The following CNTN1 variants were observed in gnomAD, a reference collection of about 807,000 sequenced individuals.
CNTN1 encodes the protein contactin 1.
CNTN1 carries 38 observed loss-of-function variants against 126.4 expected under a neutral mutation model. That is an observed-to-expected ratio of 0.30 (90% CI 0.23 to 0.39). CNTN1 has a LOEUF of 0.39. Ranked by LOEUF, CNTN1 falls within the 10% of genes least tolerant of loss-of-function variation. CNTN1 has a pLI of 1.00. For synonymous variants in CNTN1, 413 were observed against 422.6 expected (o/e 0.98, Z 0.28); for missense variants, 1,009 against 1,248.4 (o/e 0.81, Z 2.89).
At chr12:40,817,017 C>T (rs193174717) in intron 1 of CNTN1, among the ~76,000 whole-genome samples, 56 of 152,118 alleles carry the variant, frequency 3.7e-4, no homozygotes, top group Admixed American at 3.1e-3. Flanking sequence ...CAAGACTGTT[C>T]GTTATGATTT....
intron 1 of CNTN1, among the ~76,000 whole-genome samples, chr12:40,700,796 C>A (rs758566520): frequency 2.6e-5 from 4 of 151,726 alleles, no homozygotes; most frequent in Non-Finnish European, 4.4e-5. Context: ...CTTGTGCAAA[C>A]ATCTTCTCTA....
intron 1 of CNTN1, among the ~76,000 whole-genome samples, chr12:40,824,244 C>T (rs1367240032): frequency 6.6e-6 from 1 of 152,046 alleles, no homozygotes; most frequent in Non-Finnish European, 1.5e-5. Context: ...TTGTCCATTG[C>T]ATCCAAAGTT....
chr12:41,025,043 T>C, intron 20 of CNTN1, 107 bp from the exon 21 acceptor site: 1 of 1,065,920 alleles, frequency 9.4e-7, no homozygotes, highest in African/African-American at 1.5e-5. Context: ...CATTTGAAAA[T>C]ATGATGATCA....
At chr12:40,817,193 G>C (rs1044535418) in intron 1 of CNTN1, among the ~76,000 whole-genome samples, 1 of 152,166 alleles carries the variant, frequency 6.6e-6, no homozygotes, top group African/African-American at 2.4e-5. Context: ...TTCAAGTCCT[G>C]AATATCCTTG....
chr12:41,067,547 C>T (rs1363953349), intron 23 of CNTN1, among the ~76,000 whole-genome samples: 2 of 142,558 alleles, frequency 1.4e-5, no homozygotes, highest in Non-Finnish European at 3.0e-5. Flanking sequence ...TATTCTCACT[C>T]ATAGGTGGGA....
chr12:40,793,458 T>C (rs1041092415), intron 1 of CNTN1, among the ~76,000 whole-genome samples: 8 of 55,944 alleles, frequency 1.4e-4, no homozygotes, highest in Non-Finnish European at 2.5e-4. Context: ...CAGCACCTAC[T>C]TGTGGGGAAA....
intron 1 of CNTN1, among the ~76,000 whole-genome samples, chr12:40,720,221 C>T (rs1445732052): frequency 6.6e-6 from 1 of 151,830 alleles, no homozygotes; most frequent in East Asian, 1.9e-4. Context: ...TTATTTTCAC[C>T]TATATTTATC....
intron 14 of CNTN1, among the ~76,000 whole-genome samples, chr12:40,954,705 T>A (rs1488383340): frequency 6.6e-5 from 10 of 152,120 alleles, no homozygotes; most frequent in Admixed American, 6.6e-4. Context: ...AGCTGTTATA[T>A]ACATGGGTAC....
chr12:41,057,338 A>G (rs1949848966), intron 23 of CNTN1, among the ~76,000 whole-genome samples: 1 of 151,254 alleles, frequency 6.6e-6, no homozygotes, highest in South Asian at 2.1e-4. Context: ...GGCTTAACTT[A>G]AAATAGACCA....
At chr12:40,919,878 T>A (rs1411760226) in intron 4 of CNTN1, among the ~76,000 whole-genome samples, 1 of 152,192 alleles carries the variant, frequency 6.6e-6, no homozygotes, top group African/African-American at 2.4e-5. Flanking sequence ...TGGGCTAGAC[T>A]TATTTCCACC....
chr12:40,841,120 A>G (rs1352385107), intron 1 of CNTN1, among the ~76,000 whole-genome samples: 4 of 152,038 alleles, frequency 2.6e-5, no homozygotes, highest in Admixed American at 6.6e-5. Context: ...ATATATTACA[A>G]CAGATACCAC....
At position 40,709,299 on chromosome 12, in the gene CNTN1, G is replaced by A. The variant is rs559173923; in HGVS notation, c.-77+16707G>A. On this transcript the variant is annotated intron_variant, in intron 1 of 23. Coordinates refer to ENST00000551295, the MANE Select transcript of CNTN1 (RefSeq NM_001843.4). The stretch of plus-strand genomic sequence containing the variant: ...AGATTGTTTTTTTTCTGAGCAGTCG[G>A]TCTCAACAGTGGGCTTAAAATATTT... Among the ~76,000 whole-genome samples, 4 of 152,280 alleles carry A rather than the reference G, an allele frequency of 2.6e-5. No individual in the cohort carries two copies. In the South Asian group the frequency reaches 8.3e-4, roughly 32 times the overall value.
intron 1 of CNTN1, among the ~76,000 whole-genome samples, chr12:40,878,146 C>T (rs770584634): frequency 2.0e-5 from 3 of 151,586 alleles, no homozygotes; most frequent in Admixed American, 6.6e-5. Context: ...TACAGGCATG[C>T]ACCACCAAGC....
chr12:40,784,165 A>G (rs555354922), intron 1 of CNTN1, among the ~76,000 whole-genome samples: 1 of 152,264 alleles, frequency 6.6e-6, no homozygotes, highest in Admixed American at 6.5e-5. Flanking sequence ...TTCTAAAAGA[A>G]AATATAATTT....
intron 14 of CNTN1, among the ~76,000 whole-genome samples, chr12:40,955,912 C>G (rs973588863): frequency 6.6e-6 from 1 of 152,010 alleles, no homozygotes; most frequent in Non-Finnish European, 1.5e-5. Context: ...GTGATATATG[C>G]AAAGTTTTGA....
At chr12:40,944,500 A>C (rs915149471) in intron 14 of CNTN1, among the ~76,000 whole-genome samples, 4 of 152,030 alleles carry the variant, frequency 2.6e-5, no homozygotes, top group African/African-American at 7.2e-5. Flanking sequence ...TTTTTACTTT[A>C]AATGAAGAGC....
At chr12:40,995,301 C>A (rs1948185345) in intron 17 of CNTN1, among the ~76,000 whole-genome samples, 1 of 152,044 alleles carries the variant, frequency 6.6e-6, no homozygotes, top group East Asian at 1.9e-4. Context: ...ATCACAGTAG[C>A]ATTTTAATGG....
chr12:40,909,676 T>C (rs963213898), intron 2 of CNTN1, among the ~76,000 whole-genome samples: 9 of 151,760 alleles, frequency 5.9e-5, no homozygotes, highest in Non-Finnish European at 1.3e-4. Flanking sequence ...TTGATAAATA[T>C]ATATTTTATA....
intron 1 of CNTN1, among the ~76,000 whole-genome samples, chr12:40,859,588 T>G (rs1943049874): frequency 6.6e-6 from 1 of 152,146 alleles, no homozygotes; most frequent in African/African-American, 2.4e-5. Flanking sequence ...CACAGTATTT[T>G]TTCACTTTTG....
Sources: allele counts gnomAD v4.1 joint callset (sites outside exome capture counted in the v4.1 genomes callset), GRCh38; gene constraint gnomAD v4.1.1; transcripts MANE v1.5; gene names NCBI Gene and HGNC (gene_info 2026-07-23, HGNC 2026-07-21).